ENOX1: variants seen among roughly 807,000 people sequenced by gnomAD.
The protein encoded by ENOX1 is ecto-NOX disulfide-thiol exchanger 1, also known as candidate growth-related and time keeping constitutive hydroquinone (NADH) oxidase.
A neutral mutation model predicts 82.5 loss-of-function variants in ENOX1; 42 were observed. The ratio of observed to expected loss-of-function variants is 0.51; its 90% CI spans 0.40 to 0.66. The LOEUF (loss-of-function observed/expected upper bound fraction) is 0.66. ENOX1 is among the 30% of genes least tolerant of loss of function. The pLI is 0.00. For missense variants in ENOX1, 608 were observed against 811.6 expected (o/e 0.75, Z 3.05); for synonymous variants, 271 against 282.2 (o/e 0.96, Z 0.40).
At chr13:43,556,061 G>A (rs1000635730) in intron 2 of ENOX1, among the ~76,000 whole-genome samples, 1 of 152,080 alleles carries the variant, frequency 6.6e-6, no homozygotes. Context: ...AAAGAACTTC[G>A]ATACCAATGA....
intron 3 of ENOX1, among the ~76,000 whole-genome samples, chr13:43,431,126 T>A (rs2055631139): frequency 6.6e-6 from 1 of 152,226 alleles, no homozygotes. Context: ...AAAGCTTAAC[T>A]CTTGTCTTCA....
Position 43,337,719 on chromosome 13 carries a change from A to G in ENOX1, c.1036+6819T>C, listed in dbSNP as rs544784685. Among the ~76,000 whole-genome samples, 85 of 152,216 alleles carry G rather than the reference A, an allele frequency of 5.6e-4. 1 individual carries two copies. The highest frequency in any genetic ancestry group is 1.9e-3 in the African/African-American group (77 of 41,522). On this transcript the variant is annotated intron_variant, in intron 9 of 16. Transcript: ENST00000690772. ...TATAAGCTGTACCTTTACATTTATAATATTCTTAATTTTCATTTTACACAC... is the reference window on the plus strand; with the variant it reads ...TATAAGCTGTACCTTTACATTTATAGTATTCTTAATTTTCATTTTACACAC...
intron 8 of ENOX1, among the ~76,000 whole-genome samples, chr13:43,354,486 T>A (rs76049052): frequency 1.5e-4 from 23 of 151,068 alleles, no homozygotes; most frequent in Admixed American, 3.3e-4. Context: ...TTTTTTTTTT[T>A]AAAGCATAGA....
chr13:43,581,252 C>T (rs978563886), intron 2 of ENOX1, among the ~76,000 whole-genome samples: 21 of 149,302 alleles, frequency 1.4e-4, no homozygotes, highest in African/African-American at 4.9e-4. Flanking sequence ...CCTGCCTCAG[C>T]CTCCCAAGTA....
intron 3 of ENOX1, among the ~76,000 whole-genome samples, chr13:43,442,223 C>T (rs939295686): frequency 6.6e-6 from 1 of 152,140 alleles, no homozygotes; most frequent in African/African-American, 2.4e-5. Context: ...TTAAAACCTG[C>T]ATTTGAATTT....
chr13:43,540,925 G>T (rs1245707152), intron 2 of ENOX1, among the ~76,000 whole-genome samples: 1 of 152,158 alleles, frequency 6.6e-6, no homozygotes, highest in Non-Finnish European at 1.5e-5. Context: ...AGAATCTCAT[G>T]TGGGGAATAA....
At chr13:43,635,880 T>A (rs1473978813) in intron 2 of ENOX1, among the ~76,000 whole-genome samples, 1 of 152,158 alleles carries the variant, frequency 6.6e-6, no homozygotes, top group East Asian at 1.9e-4. Context: ...TAGGGCAAGA[T>A]GCAGAAAGGG....
At position 43,770,037 on chromosome 13, in the gene ENOX1, T is replaced by C. The variant is rs571889376; in HGVS notation, c.-285+16615A>G. Among the ~76,000 whole-genome samples, 15 of 152,372 alleles carry C rather than the reference T, an allele frequency of 9.8e-5. No individual in the cohort carries two copies. The South Asian group carries it at 3.1e-3, about 32-fold the overall frequency. On this transcript the variant is annotated intron_variant, in intron 1 of 16. Transcript: ENST00000690772. ...AGATAATTGCCCAAGTGTAGAATGG[T>C]ATACATGCAAGTATGCTTAGAGCAG...
chr13:43,636,169 T>C lies in ENOX1; in HGVS notation c.-219+31310A>G, dbSNP rs560891103. Among the ~76,000 whole-genome samples the C allele has an allele frequency of 1.7e-4, 26 of 152,266 alleles. No individual in the cohort carries two copies. The South Asian group carries it at 5.2e-3, about 30-fold the overall frequency. ...AGAGACAACAAGTGGGCAGAGCTGA[T>C]GATGGGTCAAGAGCACTGGGTCCCA... On this transcript the variant is annotated intron_variant, in intron 2 of 16. Coordinates refer to ENST00000690772, the MANE Select transcript of ENOX1 (RefSeq NM_001347969.2).
intron 2 of ENOX1, among the ~76,000 whole-genome samples, chr13:43,524,261 T>A (rs186657054): frequency 1.8e-4 from 28 of 152,250 alleles, no homozygotes; most frequent in Admixed American, 1.8e-3. Context: ...TCACATTTCT[T>A]AGCTCCTCTC....
At chr13:43,741,308 C>T (rs954670137) in intron 1 of ENOX1, among the ~76,000 whole-genome samples, 2 of 152,174 alleles carry the variant, frequency 1.3e-5, no homozygotes, top group African/African-American at 4.8e-5. Flanking sequence ...TGGTCTAGAA[C>T]TCCTGACCTT....
At chr13:43,414,215 A>C (rs2054309357) in intron 3 of ENOX1, among the ~76,000 whole-genome samples, 1 of 152,184 alleles carries the variant, frequency 6.6e-6, no homozygotes, top group South Asian at 2.1e-4. Context: ...CTAAGGGTTC[A>C]ATTCTCAACA....
intron 14 of ENOX1, among the ~76,000 whole-genome samples, chr13:43,240,011 G>C (rs1347774547): frequency 6.6e-6 from 1 of 152,152 alleles, no homozygotes; most frequent in Non-Finnish European, 1.5e-5. Flanking sequence ...AGCAACAACT[G>C]TACCCTCTCT....
At chr13:43,751,377 A>G (rs1950305343) in intron 1 of ENOX1, among the ~76,000 whole-genome samples, 2 of 152,382 alleles carry the variant, frequency 1.3e-5, no homozygotes, top group Middle Eastern at 3.4e-3. Context: ...GGTTTATGGA[A>G]TAATAGTTTA....
At chr13:43,622,469 T>C (rs1323457139) in intron 2 of ENOX1, among the ~76,000 whole-genome samples, 1 of 152,216 alleles carries the variant, frequency 6.6e-6, no homozygotes, top group East Asian at 1.9e-4. Flanking sequence ...CCCCTTTTCC[T>C]ATGGATGTGG....
intron 5 of ENOX1, among the ~76,000 whole-genome samples, chr13:43,387,136 T>A (rs1028231512): frequency 2.0e-5 from 3 of 152,226 alleles, no homozygotes; most frequent in African/African-American, 7.2e-5. Context: ...GACTTGCTTC[T>A]TACTTTCTGG....
At chr13:43,666,622 T>A (rs2084993658) in intron 2 of ENOX1, among the ~76,000 whole-genome samples, 1 of 152,212 alleles carries the variant, frequency 6.6e-6, no homozygotes, top group Non-Finnish European at 1.5e-5. Context: ...ACACCTGGAC[T>A]TTGGACTTCT....
intron 2 of ENOX1, among the ~76,000 whole-genome samples, chr13:43,550,144 G>A (rs900903681): frequency 2.0e-5 from 3 of 152,186 alleles, no homozygotes; most frequent in Non-Finnish European, 4.4e-5. Context: ...GAGCTCAGGT[G>A]ATAATGCTCA....
intron 3 of ENOX1, among the ~76,000 whole-genome samples, chr13:43,430,428 A>G (rs1340365566): frequency 6.6e-6 from 1 of 152,184 alleles, no homozygotes; most frequent in Non-Finnish European, 1.5e-5. Flanking sequence ...ATTTGGTCAC[A>G]AGGTCTTTCT....
Sources: gnomAD v4.1 joint callset for allele counts (sites outside exome capture counted in the v4.1 genomes callset) on GRCh38, gnomAD v4.1.1 for gene constraint, MANE v1.5 for transcripts, NCBI Gene and HGNC (gene_info 2026-07-23, HGNC 2026-07-21) for gene names.